Variants in KAZN observed in about 807,000 individuals in gnomAD.
The protein encoded by KAZN is kazrin, periplakin interacting protein, also known as kazrin.
KAZN carries 40 observed loss-of-function variants against 87.4 expected under a neutral mutation model. The ratio of observed to expected loss-of-function variants is 0.46; its 90% CI spans 0.36 to 0.60. The LOEUF (loss-of-function observed/expected upper bound fraction) is 0.60. Among genes scored for constraint, KAZN ranks in the 20% least tolerant of loss-of-function variants. The probability of loss-of-function intolerance (pLI) is 0.00; values close to 1 mark genes in which losing one functional copy is unlikely to be tolerated. For missense variants in KAZN, 898 were observed against 1,073.9 expected, an observed-to-expected ratio of 0.84 and a Z score of 2.29; for synonymous variants, 466 against 458.3, an observed-to-expected ratio of 1.02 and a Z score of -0.22.
At chr1:14,230,559 T>G (rs1177697299) in intron 2 of KAZN, among the ~76,000 whole-genome samples, 1 of 152,094 alleles carries the variant, frequency 6.6e-6, no homozygotes, top group African/African-American at 2.4e-5. Flanking sequence ...GTGTAGTGCT[T>G]TATATTTTTC....
intron 10 of KAZN, 89 bp from the exon 11 acceptor site, chr1:15,101,454 C>G: frequency 1.2e-6 from 1 of 843,586 alleles, no homozygotes; most frequent in Non-Finnish European, 1.9e-6. Flanking sequence ...TGCTTTTCCT[C>G]TCTCTGCATC....
intron 2 of KAZN, among the ~76,000 whole-genome samples, chr1:14,580,263 G>T (rs1366533360): frequency 1.3e-5 from 2 of 152,144 alleles, no homozygotes; most frequent in African/African-American, 4.8e-5. Context: ...ATCACCTGAG[G>T]TTGGGAGTTC....
intron 1 of KAZN, among the ~76,000 whole-genome samples, chr1:14,793,178 G>A (rs1457401118): frequency 6.6e-6 from 1 of 152,130 alleles, no homozygotes; most frequent in Non-Finnish European, 1.5e-5. Flanking sequence ...GACCAGTTAG[G>A]AGGCAACTGC....
chr1:14,280,088 C>T (rs975423528), intron 2 of KAZN, among the ~76,000 whole-genome samples: 4 of 152,146 alleles, frequency 2.6e-5, no homozygotes, highest in Non-Finnish European at 4.4e-5. Flanking sequence ...TGCGGCCGGG[C>T]GCGGTGGCTC....
intron 1 of KAZN, among the ~76,000 whole-genome samples, chr1:14,821,676 C>T (rs2311337): frequency 4.0e-5 from 6 of 151,864 alleles, no homozygotes; most frequent in Non-Finnish European, 8.8e-5. Flanking sequence ...CTACAAGCCA[C>T]GGAGAGAGGC....
At chr1:14,143,069 A>G (rs1645274813) in intron 1 of KAZN, among the ~76,000 whole-genome samples, 1 of 152,156 alleles carries the variant, frequency 6.6e-6, no homozygotes, top group Admixed American at 6.5e-5. Context: ...AGGCCAGCAT[A>G]GGTTCCAAGA....
intron 2 of KAZN, among the ~76,000 whole-genome samples, chr1:14,432,236 G>A (rs1015950636): frequency 2.0e-5 from 3 of 152,176 alleles, no homozygotes; most frequent in Non-Finnish European, 2.9e-5. Context: ...CCAGAAGTAC[G>A]TGAAATTGAC....
intron 2 of KAZN, among the ~76,000 whole-genome samples, chr1:15,018,368 C>T (rs911325662): frequency 2.6e-5 from 4 of 152,142 alleles, no homozygotes; most frequent in African/African-American, 4.8e-5. Context: ...CTCCAATTAA[C>T]GGGATGGCAT....
At chr1:14,663,619 TAAAAAACAAAACAAAAC>T (rs1639329272) in intron 1 of KAZN, among the ~76,000 whole-genome samples, 1 of 151,904 alleles carries the variant, frequency 6.6e-6, no homozygotes, top group Non-Finnish European at 1.5e-5. Context: ...ATGGCTGCTG[TAAAAAACAAAACAAAAC>T]AAAAAACAAA....
intron 2 of KAZN, among the ~76,000 whole-genome samples, chr1:14,979,276 G>A (rs1013024907): frequency 3.3e-5 from 5 of 151,792 alleles, no homozygotes; most frequent in African/African-American, 1.2e-4. Flanking sequence ...GGGCATGGTG[G>A]TGGGCGCCTG....
At chr1:14,122,321 A>G (rs568116414) in intron 1 of KAZN, among the ~76,000 whole-genome samples, 33 of 152,298 alleles carry the variant, frequency 2.2e-4, no homozygotes, top group Middle Eastern at 3.4e-3. Context: ...ATAAAACCCA[A>G]TTCTTCTTTG....
intron 1 of KAZN, among the ~76,000 whole-genome samples, chr1:13,982,243 G>T (rs34227413): frequency 0.14 from 20,921 of 152,148 alleles, 1,577 homozygotes; most frequent in South Asian, 0.2. Context: ...ACCTCAAGGT[G>T]TGTCCGGAAT....
intron 2 of KAZN, among the ~76,000 whole-genome samples, chr1:15,030,912 C>T (rs531448233): frequency 1.8e-4 from 27 of 152,374 alleles, no homozygotes; most frequent in African/African-American, 5.0e-4. Flanking sequence ...GGGGTCCCCA[C>T]TGCGTGGGCC....
chr1:14,245,619 T>C (rs1304964806), intron 2 of KAZN, among the ~76,000 whole-genome samples: 4 of 152,152 alleles, frequency 2.6e-5, no homozygotes, highest in Non-Finnish European at 5.9e-5. Context: ...AGAAATAGAA[T>C]TGTTAGGTCA....
At chr1:14,782,881 G>A (rs1645399090) in intron 1 of KAZN, among the ~76,000 whole-genome samples, 1 of 152,086 alleles carries the variant, frequency 6.6e-6, no homozygotes, top group Non-Finnish European at 1.5e-5. Flanking sequence ...AGGCCTGGCG[G>A]CATCTGTAGA....
intron 2 of KAZN, among the ~76,000 whole-genome samples, chr1:14,406,090 T>C (rs1198238484): frequency 6.6e-6 from 1 of 152,106 alleles, no homozygotes; most frequent in Non-Finnish European, 1.5e-5. Flanking sequence ...TGAAATAACA[T>C]AAAGAATGTA....
At chr1:15,032,599 A>C (rs1317670202) in intron 2 of KAZN, among the ~76,000 whole-genome samples, 1 of 152,114 alleles carries the variant, frequency 6.6e-6, no homozygotes, top group East Asian at 1.9e-4. Flanking sequence ...ATATCAGTAC[A>C]GTTGGCCTCT....
chr1:14,438,030 C>A (rs1242818409), intron 2 of KAZN, among the ~76,000 whole-genome samples: 1 of 151,658 alleles, frequency 6.6e-6, no homozygotes, highest in Non-Finnish European at 1.5e-5. Context: ...TTTTGGGTTT[C>A]CCTTTTCTCT....
chr1:13,958,291 C>G (rs1169028764), intron 1 of KAZN, among the ~76,000 whole-genome samples: 1 of 152,138 alleles, frequency 6.6e-6, no homozygotes, highest in Non-Finnish European at 1.5e-5. Context: ...TAAAAATTGG[C>G]TGGGTGCGGT....
Sources: gnomAD v4.1 joint callset for allele counts (sites outside exome capture counted in the v4.1 genomes callset) on GRCh38, gnomAD v4.1.1 for gene constraint, MANE v1.5 for transcripts, NCBI Gene and HGNC (gene_info 2026-07-23, HGNC 2026-07-21) for gene names.